The following CGNL1 variants were observed in gnomAD, a reference collection of about 807,000 sequenced individuals.
The protein encoded by CGNL1 is cingulin like 1.
In CGNL1, 132 loss-of-function variants were observed where a neutral mutation model predicts 141.2. The observed-to-expected ratio is 0.93, with a 90% CI of 0.81 to 1.08. The LOEUF (loss-of-function observed/expected upper bound fraction) is 1.08, where lower values mean the gene tolerates loss of function less well. CGNL1 is among the 50% of genes least tolerant of loss of function. CGNL1 has a pLI of 0.00. For missense variants in CGNL1, 1,870 were observed against 1,588.6 expected, an observed-to-expected ratio of 1.18 and a Z score of -3.01; for synonymous variants, 690 against 622.1, an observed-to-expected ratio of 1.11 and a Z score of -1.63.
At chr15:57,461,606 C>T in intron 7 of CGNL1, 74 bp from the exon 8 acceptor site, 2 of 1,280,052 alleles carry the variant, frequency 1.6e-6, no homozygotes, top group East Asian at 2.3e-5. Flanking sequence ...GGGGACTGAA[C>T]TGGAGGGGAG....
At chr15:57,526,971 A>G (rs1264204242) in intron 12 of CGNL1, among the ~76,000 whole-genome samples, 1 of 152,174 alleles carries the variant, frequency 6.6e-6, no homozygotes, top group Admixed American at 6.5e-5. Context: ...GTATCATCTC[A>G]TTTGATTCTC....
At chr15:57,462,036 C>G (rs1856622399) in intron 8 of CGNL1, 144 bp downstream of exon 8, 1 of 680,690 alleles carries the variant, frequency 1.5e-6, no homozygotes, top group South Asian at 1.8e-5. Flanking sequence ...AGCTTATTAA[C>G]AAAGAATAAG....
At chr15:57,464,468 G>T (rs776602323) in intron 8 of CGNL1, among the ~76,000 whole-genome samples, 10 of 152,286 alleles carry the variant, frequency 6.6e-5, no homozygotes, top group Non-Finnish European at 1.5e-4. Context: ...GCTCAGCATG[G>T]TGCCTGGGAC....
At chr15:57,401,647 C>T (rs2062661737) in intron 1 of CGNL1, among the ~76,000 whole-genome samples, 1 of 152,152 alleles carries the variant, frequency 6.6e-6, no homozygotes, top group African/African-American at 2.4e-5. Flanking sequence ...GCTTTAATAC[C>T]TATCCTTTTT....
intron 8 of CGNL1, among the ~76,000 whole-genome samples, chr15:57,484,779 A>T (rs1240394078): frequency 6.6e-6 from 1 of 151,056 alleles, no homozygotes; most frequent in Non-Finnish European, 1.5e-5. Context: ...TCATTGTTCA[A>T]CTCCCACTTA....
intron 8 of CGNL1, among the ~76,000 whole-genome samples, chr15:57,472,553 T>G (rs954438204): frequency 6.6e-5 from 10 of 152,182 alleles, no homozygotes; most frequent in African/African-American, 2.4e-4. Flanking sequence ...CTGGGATGAT[T>G]CGTTCATGCT....
chr15:57,499,238 C>CT (rs201081475), intron 8 of CGNL1, among the ~76,000 whole-genome samples: 5,781 of 91,592 alleles, frequency 0.063, 89 homozygotes, highest in African/African-American at 0.11. Flanking sequence ...AAGTTAATGG[C>CT]TTTTTTTTTT....
intron 1 of CGNL1, among the ~76,000 whole-genome samples, chr15:57,404,240 C>A (rs1410338402): frequency 6.6e-6 from 1 of 152,218 alleles, no homozygotes; most frequent in Non-Finnish European, 1.5e-5. Flanking sequence ...AACGGCCCAG[C>A]TTTGGACCTC....
chr15:57,528,258 A>G (rs1266012772), intron 12 of CGNL1, among the ~76,000 whole-genome samples: 2 of 150,356 alleles, frequency 1.3e-5, no homozygotes, highest in African/African-American at 2.5e-5. Flanking sequence ...CTCCATCTCA[A>G]AAAAAAAAGA....
intron 1 of CGNL1, among the ~76,000 whole-genome samples, chr15:57,423,981 C>A (rs971628243): frequency 1.3e-5 from 2 of 152,222 alleles, no homozygotes; most frequent in African/African-American, 4.8e-5. Flanking sequence ...CCTAGCTGAG[C>A]TCCTCCAGTC....
At chr15:57,504,803 G>A (rs1289904592) in intron 8 of CGNL1, among the ~76,000 whole-genome samples, 1 of 152,178 alleles carries the variant, frequency 6.6e-6, no homozygotes, top group Non-Finnish European at 1.5e-5. Context: ...ACTTCAAGGG[G>A]GCAGGGAAGC....
intron 1 of CGNL1, among the ~76,000 whole-genome samples, chr15:57,385,585 C>T (rs1289929660): frequency 6.6e-6 from 1 of 152,228 alleles, no homozygotes; most frequent in African/African-American, 2.4e-5. Flanking sequence ...ATTGGAAGCT[C>T]TATTTGACGA....
chr15:57,457,619 C>T (rs2063395519), intron 7 of CGNL1, among the ~76,000 whole-genome samples: 3 of 152,144 alleles, frequency 2.0e-5, no homozygotes, highest in South Asian at 4.1e-4. Context: ...GCCTCATAAT[C>T]GTGGCAGAGG....
At chr15:57,397,698 G>A (rs1345099415) in intron 1 of CGNL1, among the ~76,000 whole-genome samples, 3 of 151,884 alleles carry the variant, frequency 2.0e-5, no homozygotes, top group Non-Finnish European at 4.4e-5. Flanking sequence ...GACATGTGAC[G>A]AGCCTTTTTT....
intron 1 of CGNL1, among the ~76,000 whole-genome samples, chr15:57,423,623 A>T (rs2062940147): frequency 6.6e-6 from 1 of 152,188 alleles, no homozygotes; most frequent in African/African-American, 2.4e-5. Context: ...TTGCCTGCTT[A>T]ATGGTAGCCT....
At chr15:57,455,491 C>T (rs1475372860) in intron 7 of CGNL1, among the ~76,000 whole-genome samples, 1 of 152,094 alleles carries the variant, frequency 6.6e-6, no homozygotes, top group African/African-American at 2.4e-5. Context: ...CCCTGATATC[C>T]CCTGTCCTTT....
At chr15:57,461,939 T>G (rs1181875907) in intron 8 of CGNL1, 47 bp downstream of exon 8, 1 of 1,428,466 alleles carries the variant, frequency 7.0e-7, no homozygotes, top group South Asian at 1.2e-5. Context: ...GATGAAAGGG[T>G]AAGACCCTCT....
rs116790572 is a variant in CGNL1, at chr15:57,477,770, C to A, written c.2403+15878C>A. Reference sequence around the variant, plus strand: ...TTCCTTCTCCCCGTCCCATTGTGAACTGTTTCCCTTGCAGGTTCAACTCAT... The same window carrying A: ...TTCCTTCTCCCCGTCCCATTGTGAAATGTTTCCCTTGCAGGTTCAACTCAT... On this transcript the variant is annotated intron_variant, in intron 8 of 18. Coordinates refer to ENST00000281282, the MANE Select transcript of CGNL1 (RefSeq NM_032866.5). Among the ~76,000 whole-genome samples the A allele has an allele frequency of 5.1e-3, 772 of 152,276 alleles. 6 individuals are homozygous for A. Among genetic ancestry groups the A allele is most frequent in the African/African-American group, 0.018 (728 of 41,552 alleles).
chr15:57,415,474 C>T (rs1326389299), intron 1 of CGNL1, among the ~76,000 whole-genome samples: 2 of 152,168 alleles, frequency 1.3e-5, no homozygotes, highest in Admixed American at 1.3e-4. Flanking sequence ...ATGCAGGTGG[C>T]CTCTAGAAGC....
Sources: gnomAD v4.1 joint callset for allele counts (sites outside exome capture counted in the v4.1 genomes callset) on GRCh38, gnomAD v4.1.1 for gene constraint, MANE v1.5 for transcripts, NCBI Gene and HGNC (gene_info 2026-07-23, HGNC 2026-07-21) for gene names.